FAM107B: variants seen among roughly 807,000 people sequenced by gnomAD.
FAM107B encodes family with sequence similarity 107 member B.
Under a neutral mutation model 31.5 loss-of-function variants are expected in FAM107B, and 21 were observed. The observed-to-expected ratio is 0.67, with a 90% CI of 0.47 to 0.96. FAM107B has a LOEUF of 0.96. Among genes scored for constraint, FAM107B ranks in the 40% least tolerant of loss-of-function variants. FAM107B has a pLI of 0.00. For missense variants in FAM107B, 452 were observed against 377.1 expected (o/e 1.20, Z -1.64); for synonymous variants, 157 against 141.5 (o/e 1.11, Z -0.78).
At chr10:14,559,209 A>G (rs12776277) in intron 2 of FAM107B, among the ~76,000 whole-genome samples, 72,706 of 152,038 alleles carry the variant, frequency 0.48, 17,640 homozygotes, top group South Asian at 0.62. Context: ...GGCCTGTGCC[A>G]CAACACAGCC....
At chr10:14,555,265 T>C (rs983925874) in intron 2 of FAM107B, among the ~76,000 whole-genome samples, 1 of 152,218 alleles carries the variant, frequency 6.6e-6, no homozygotes, top group Non-Finnish European at 1.5e-5. Flanking sequence ...ACATTGTTAT[T>C]ATAAAGTTGT....
chr10:14,574,678 T>C (rs1336901765), intron 2 of FAM107B, among the ~76,000 whole-genome samples: 2 of 152,214 alleles, frequency 1.3e-5, no homozygotes, highest in Admixed American at 6.5e-5. Flanking sequence ...AGTCAACTCC[T>C]AGAAAAAGAA....
At chr10:14,595,422 C>CT (rs35540585) in intron 2 of FAM107B, among the ~76,000 whole-genome samples, 7,019 of 98,084 alleles carry the variant, frequency 0.072, 540 homozygotes, top group African/African-American at 0.15. Flanking sequence ...CTAGGGCAAC[C>CT]TTTTTTTTTT....
At position 14,520,663 on chromosome 10, in the gene FAM107B, T is replaced by G. The variant is rs1168577119; in HGVS notation, c.*527A>C. 2 of 152,264 alleles carry G rather than the reference T, an allele frequency of 1.3e-5. No homozygotes were observed. Among genetic ancestry groups the G allele is most frequent in the Non-Finnish European group, 2.9e-5 (2 of 68,064 alleles). The allele number at this position is 152,264 out of a possible 1,614,324, so 9.4% of individuals were successfully genotyped here. A position where few individuals can be genotyped will look rare whatever the true frequency, so the allele number is the denominator to read the frequency against. ...TTCACGTTCCTTCTCTGGTGTTAACTGCAACAGGGGTGAAAGTATAAATTA... is the reference window on the plus strand; with the variant it reads ...TTCACGTTCCTTCTCTGGTGTTAACGGCAACAGGGGTGAAAGTATAAATTA... On this transcript the variant is annotated 3_prime_UTR_variant, in exon 5 of 5. Transcript: ENST00000181796.
rs780590599 is a variant in FAM107B, at chr10:14,667,698, G to A, written c.412-7C>T. The A allele has an allele frequency of 8.1e-6, 13 of 1,613,778 alleles. No individual in the cohort carries two copies. The highest frequency in any genetic ancestry group is 4.0e-5 in the African/African-American group (3 of 74,868). On this transcript the variant is annotated splice_region_variant and splice_polypyrimidine_tract_variant and intron_variant, in intron 1 of 4. Coordinates refer to ENST00000181796, the MANE Select transcript of FAM107B (RefSeq NM_031453.4). The stretch of plus-strand genomic sequence containing the variant: ...CTTCTCGAAATTCTTCTTCCTAAGC[G>A]CCAGCCCCATAAACCAGAAAAGCAG...
intron 2 of FAM107B, among the ~76,000 whole-genome samples, chr10:14,641,489 C>G (rs928697825): frequency 6.6e-6 from 1 of 152,154 alleles, no homozygotes; most frequent in Non-Finnish European, 1.5e-5. Context: ...TTCATTTTCT[C>G]AGAGTTCCAG....
rs113878624 is a variant in FAM107B at position 14,552,754 on chromosome 10, G to A, written c.470-22239C>T. On this transcript the variant is annotated intron_variant, in intron 2 of 4. Coordinates refer to ENST00000181796, the MANE Select transcript of FAM107B (RefSeq NM_031453.4). ...TGAGGCCCGAGAAAAGCTTGAACCC[G>A]GGAGATGGAAGGGTTGCAGTGAGCC... 2.1e-3 allele frequency among the ~76,000 whole-genome samples: 317 copies of A among 152,126 alleles called. 2 individuals are homozygous for A. Among genetic ancestry groups the A allele is most frequent in the African/African-American group, 7.1e-3 (293 of 41,492 alleles).
chr10:14,535,358 G>A (rs1489649830), intron 2 of FAM107B, among the ~76,000 whole-genome samples: 1 of 152,038 alleles, frequency 6.6e-6, no homozygotes, highest in Non-Finnish European at 1.5e-5. Context: ...CTAATCCCTG[G>A]CACAAACATG....
At chr10:14,682,865 A>G (rs975197629) in intron 1 of FAM107B, among the ~76,000 whole-genome samples, 3 of 152,124 alleles carry the variant, frequency 2.0e-5, no homozygotes, top group African/African-American at 4.8e-5. Flanking sequence ...CATTCTGCAC[A>G]TGTACCCCAT....
At chr10:14,619,998 G>C (rs932252169) in intron 2 of FAM107B, among the ~76,000 whole-genome samples, 1 of 147,436 alleles carries the variant, frequency 6.8e-6, no homozygotes, top group African/African-American at 2.5e-5. Flanking sequence ...GTCTATCTAC[G>C]TCTGGACTTT....
At chr10:14,628,112 G>GGTTTTTTTTGTTTTTTTTTTTTTTT (rs1440347763) in intron 2 of FAM107B, among the ~76,000 whole-genome samples, 1 of 92,676 alleles carries the variant, frequency 1.1e-5, no homozygotes, top group African/African-American at 3.9e-5. Flanking sequence ...TGTTTTGCTG[G>GGTTTTTTTTGTTTTTTTTTTTTTTT]TTTTTTTTTT....
intron 1 of FAM107B, among the ~76,000 whole-genome samples, chr10:14,748,900 C>A (rs1173445882): frequency 2.0e-5 from 3 of 152,238 alleles, no homozygotes; most frequent in Non-Finnish European, 4.4e-5. Flanking sequence ...GCCTGAGCAA[C>A]CCCCAGAGGG....
At chr10:14,743,358 T>C (rs1832661279) in intron 1 of FAM107B, among the ~76,000 whole-genome samples, 1 of 152,200 alleles carries the variant, frequency 6.6e-6, no homozygotes, top group Admixed American at 6.5e-5. Flanking sequence ...GCTCTTTAAT[T>C]AGATCCCATT....
chr10:14,704,117 G>A (rs1481505575), intron 1 of FAM107B, among the ~76,000 whole-genome samples: 1 of 152,190 alleles, frequency 6.6e-6, no homozygotes, highest in African/African-American at 2.4e-5. Context: ...TCTATGCTCT[G>A]ACAGTACATC....
chr10:14,532,906 G>C (rs145662497), intron 2 of FAM107B, among the ~76,000 whole-genome samples: 3 of 152,178 alleles, frequency 2.0e-5, no homozygotes, highest in African/African-American at 4.8e-5. Context: ...ACAGAAGAGC[G>C]GGCCGTGATC....
intron 1 of FAM107B, among the ~76,000 whole-genome samples, chr10:14,679,419 C>A (rs988541589): frequency 7.2e-6 from 1 of 138,522 alleles, no homozygotes; most frequent in African/African-American, 2.5e-5. Context: ...GCATGAACCA[C>A]TGGACCTGGC....
chr10:14,727,687 G>T (rs1452346624), intron 1 of FAM107B, among the ~76,000 whole-genome samples: 1 of 152,186 alleles, frequency 6.6e-6, no homozygotes, highest in Non-Finnish European at 1.5e-5. Flanking sequence ...TGTGGCAGCT[G>T]ACTTAATAAC....
intron 2 of FAM107B, among the ~76,000 whole-genome samples, chr10:14,579,114 A>G (rs1851554775): frequency 6.6e-6 from 1 of 152,254 alleles, no homozygotes; most frequent in Non-Finnish European, 1.5e-5. Flanking sequence ...CACTCGGCTC[A>G]AGTCCATAAA....
intron 2 of FAM107B, among the ~76,000 whole-genome samples, chr10:14,568,499 TCAGGTAAGA>T (rs1850888027): frequency 8.0e-6 from 1 of 124,570 alleles, no homozygotes; most frequent in African/African-American, 2.9e-5. Context: ...GTGAAGATAC[TCAGGTAAGA>T]GGAGGCTGGC....
Sources: allele counts gnomAD v4.1 joint callset (sites outside exome capture counted in the v4.1 genomes callset), GRCh38; gene constraint gnomAD v4.1.1; transcripts MANE v1.5; gene names NCBI Gene and HGNC (gene_info 2026-07-23, HGNC 2026-07-21).